CCSER1: variants seen among roughly 807,000 people sequenced by gnomAD.
CCSER1 encodes the protein serine-rich coiled-coil domain-containing protein 1.
A neutral mutation model predicts 82.0 loss-of-function variants in CCSER1; 41 were observed. That is an observed-to-expected ratio of 0.50 (90% confidence interval 0.39 to 0.65). The LOEUF (loss-of-function observed/expected upper bound fraction) is 0.65, where lower values mean the gene tolerates loss of function less well. Ranked by LOEUF, CCSER1 falls within the 30% of genes least tolerant of loss-of-function variation. CCSER1 has a pLI of 0.00. For synonymous variants in CCSER1, 414 were observed against 383.9 expected (o/e 1.08, Z -0.92); for missense variants, 1,119 against 1,064.2 (o/e 1.05, Z -0.72).
At chr4:90,407,684 G>C (rs142358631) in intron 4 of CCSER1, among the ~76,000 whole-genome samples, 1,548 of 152,316 alleles carry the variant, frequency 0.01, 17 homozygotes, top group South Asian at 0.03. Context: ...AGGAACAGCT[G>C]CAGTCTACAG....
At chr4:91,079,855 A>C (rs945905524) in intron 9 of CCSER1, among the ~76,000 whole-genome samples, 1 of 152,194 alleles carries the variant, frequency 6.6e-6, no homozygotes, top group Non-Finnish European at 1.5e-5. Context: ...TCAATTCAAC[A>C]AAAAGAGCTA....
At chr4:90,880,090 C>T (rs146437526) in intron 8 of CCSER1, among the ~76,000 whole-genome samples, 2 of 152,150 alleles carry the variant, frequency 1.3e-5, no homozygotes, top group Non-Finnish European at 2.9e-5. Flanking sequence ...TATGTGGCTC[C>T]CCTGTTTCCT....
chr4:90,297,504 G>C (rs1732195354), intron 1 of CCSER1, among the ~76,000 whole-genome samples: 1 of 150,576 alleles, frequency 6.6e-6, no homozygotes, highest in African/African-American at 2.5e-5. Context: ...CTGCCTGATT[G>C]CCCTGGCCAG....
chr4:90,633,650 A>G (rs1419246977), intron 6 of CCSER1, among the ~76,000 whole-genome samples: 1 of 152,016 alleles, frequency 6.6e-6, no homozygotes, highest in Non-Finnish European at 1.5e-5. Context: ...GGATAACTAT[A>G]AATCATTATA....
At chr4:90,359,073 C>T (rs556635091) in intron 3 of CCSER1, among the ~76,000 whole-genome samples, 8 of 152,088 alleles carry the variant, frequency 5.3e-5, no homozygotes, top group Middle Eastern at 6.8e-3. Flanking sequence ...CGATGTGTTA[C>T]GAATTCAGAG....
At chr4:91,013,689 G>A (rs1371916853) in intron 9 of CCSER1, among the ~76,000 whole-genome samples, 2 of 123,206 alleles carry the variant, frequency 1.6e-5, no homozygotes, top group African/African-American at 5.3e-5. Flanking sequence ...TGCAAGCTCC[G>A]CCTCCCGGGT....
chr4:91,507,758 A>C (rs6814820), intron 10 of CCSER1, among the ~76,000 whole-genome samples: 105,848 of 151,482 alleles, frequency 0.7, 37,148 homozygotes, highest in Middle Eastern at 0.73. Flanking sequence ...ATTTTAATAA[A>C]CTTCAATTTA....
Position 90,739,728 on chromosome 4 carries a change from C to T in CCSER1, c.2010+15737C>T, listed in dbSNP as rs1746231570. On this transcript the variant is annotated intron_variant, in intron 7 of 10. Transcript: ENST00000509176. Reference sequence around the variant, plus strand: ...GAGCTCTGCCCTGAGTCACTTTCCACTGTGACCAGGCAGCACTGTGTTCCA... The same window carrying T: ...GAGCTCTGCCCTGAGTCACTTTCCATTGTGACCAGGCAGCACTGTGTTCCA... 2.6e-5 allele frequency among the ~76,000 whole-genome samples: 4 copies of T among 152,316 alleles called. No individual in the cohort carries two copies. The South Asian group carries it at 8.3e-4, about 32-fold the overall frequency.
rs1578834486 is a variant in CCSER1 at position 90,501,510 on chromosome 4, A to C, written c.1724+33156A>C. ...CGTTTTGCTTCGACTGTCCACAACA[A>C]CCAGCTTTGTCCTCTAGAAGCATTT... is the stretch of plus-strand genomic sequence containing the variant. On this transcript the variant is annotated intron_variant, in intron 5 of 10. Coordinates refer to ENST00000509176, the MANE Select transcript of CCSER1 (RefSeq NM_001145065.2). 4.6e-5 allele frequency among the ~76,000 whole-genome samples: 7 copies of C among 152,310 alleles called. No homozygotes were observed. In the East Asian group the frequency reaches 1.3e-3, roughly 29 times the overall value.
At chr4:90,919,633 T>C (rs901400188) in intron 8 of CCSER1, among the ~76,000 whole-genome samples, 1 of 151,954 alleles carries the variant, frequency 6.6e-6, no homozygotes, top group Non-Finnish European at 1.5e-5. Context: ...GGTTCATATA[T>C]ATTTATTTGT....
In CCSER1 at chr4:91,505,354, T is replaced by G. The variant is rs188826920; in HGVS notation, c.2218-93218T>G. ...TCAGTCTATCATCTATTGATGGGCA[T>G]TTAGGTTGATTCCATGTCTTTGCTA... On this transcript the variant is annotated intron_variant, in intron 10 of 10. Coordinates refer to ENST00000509176, the MANE Select transcript of CCSER1 (RefSeq NM_001145065.2). 1.6e-3 allele frequency among the ~76,000 whole-genome samples: 241 copies of G among 152,342 alleles called. 2 individuals carry two copies. Among genetic ancestry groups the G allele is most frequent in the African/African-American group, 5.5e-3 (229 of 41,590 alleles).
intron 5 of CCSER1, among the ~76,000 whole-genome samples, chr4:90,489,858 T>C (rs1376488942): frequency 6.6e-6 from 1 of 152,182 alleles, no homozygotes; most frequent in East Asian, 1.9e-4. Flanking sequence ...AACTCATCCA[T>C]TTTTATGGCT....
intron 10 of CCSER1, among the ~76,000 whole-genome samples, chr4:91,212,992 T>C (rs1736949336): frequency 6.6e-6 from 1 of 152,164 alleles, no homozygotes; most frequent in African/African-American, 2.4e-5. Context: ...CACGTGGTAG[T>C]TTGTTTTCTG....
chr4:90,131,237 T>A (rs935194463), intron 1 of CCSER1, among the ~76,000 whole-genome samples: 1 of 152,232 alleles, frequency 6.6e-6, no homozygotes, highest in Admixed American at 6.5e-5. Flanking sequence ...CGGACCTCAG[T>A]TGATCCACTC....
intron 6 of CCSER1, among the ~76,000 whole-genome samples, chr4:90,647,612 A>G (rs1727825153): frequency 6.6e-6 from 1 of 152,178 alleles, no homozygotes; most frequent in Non-Finnish European, 1.5e-5. Context: ...AAAATTGTGA[A>G]AAATAAAAAC....
chr4:91,177,892 A>G (rs963390417), intron 10 of CCSER1, among the ~76,000 whole-genome samples: 35 of 152,132 alleles, frequency 2.3e-4, no homozygotes, highest in African/African-American at 8.0e-4. Context: ...TAGTTCTTTA[A>G]TTGTGATGTT....
intron 3 of CCSER1, among the ~76,000 whole-genome samples, chr4:90,331,186 T>A (rs999965158): frequency 1.3e-5 from 2 of 151,782 alleles, no homozygotes; most frequent in Admixed American, 1.3e-4. Context: ...ACTAAAAATA[T>A]TTTTTTCTTT....
chr4:90,914,683 CA>C (rs764783620), intron 8 of CCSER1, among the ~76,000 whole-genome samples: 1 of 117,706 alleles, frequency 8.5e-6, no homozygotes, highest in Non-Finnish European at 1.8e-5. Flanking sequence ...AAAAACCCTT[CA>C]AAAAATCAAT....
chr4:91,222,507 T>A (rs12509942), intron 10 of CCSER1, among the ~76,000 whole-genome samples: 90,334 of 151,920 alleles, frequency 0.59, 27,386 homozygotes, highest in East Asian at 0.93. Context: ...GCCTGAGAAT[T>A]GTGTGCAGAT....
Sources: allele counts gnomAD v4.1 joint callset (sites outside exome capture counted in the v4.1 genomes callset), GRCh38; gene constraint gnomAD v4.1.1; transcripts MANE v1.5; gene names NCBI Gene and HGNC (gene_info 2026-07-23, HGNC 2026-07-21).